The following DLG5 variants were observed in gnomAD, a reference collection of about 807,000 sequenced individuals.
DLG5 encodes the protein discs large MAGUK scaffold protein 5.
DLG5 carries 48 observed loss-of-function variants against 189.8 expected under a neutral mutation model. The ratio of observed to expected loss-of-function variants is 0.25; its 90% CI spans 0.20 to 0.32. The LOEUF is 0.32. DLG5 is among the 10% of genes least tolerant of loss of function. The pLI is 1.00. For synonymous variants in DLG5, 1,016 were observed against 1,054.1 expected (o/e 0.96, Z 0.70); for missense variants, 2,160 against 2,544.7 (o/e 0.85, Z 3.25).
chr10:77,820,781 A>G, intron 15 of DLG5: 1 of 414,706 alleles, frequency 2.4e-6, no homozygotes, highest in Non-Finnish European at 4.3e-6. Context: ...TAGCCCTTCA[A>G]GGCAAGTCTA....
intron 1 of DLG5, among the ~76,000 whole-genome samples, chr10:77,898,500 A>C (rs1221732536): frequency 6.6e-6 from 1 of 152,214 alleles, no homozygotes; most frequent in Non-Finnish European, 1.5e-5. Context: ...AGGGGCTGGG[A>C]GATGCTGCAT....
At chr10:77,817,392 T>TC (rs1842113188) in intron 18 of DLG5, among the ~76,000 whole-genome samples, 1 of 152,160 alleles carries the variant, frequency 6.6e-6, no homozygotes, top group Non-Finnish European at 1.5e-5. Flanking sequence ...GCGCCAGAGT[T>TC]CCCCAAGATC....
intron 5 of DLG5, among the ~76,000 whole-genome samples, chr10:77,844,846 G>A (rs1436327934): frequency 1.3e-5 from 2 of 152,236 alleles, no homozygotes; most frequent in African/African-American, 2.4e-5. Flanking sequence ...ATGAAGAAGA[G>A]CAGCGAGAGC....
chr10:77,885,617 C>T (rs1845413537), intron 1 of DLG5, among the ~76,000 whole-genome samples: 1 of 152,226 alleles, frequency 6.6e-6, no homozygotes, highest in Non-Finnish European at 1.5e-5. Context: ...GCTCTGCAGG[C>T]AGTCTCATCT....
At chr10:77,887,279 G>A (rs1845467965) in intron 1 of DLG5, among the ~76,000 whole-genome samples, 1 of 152,148 alleles carries the variant, frequency 6.6e-6, no homozygotes, top group African/African-American at 2.4e-5. Flanking sequence ...CCCTTTGCCT[G>A]TAACTGCTCC....
At chr10:77,889,289 G>C (rs1025805127) in intron 1 of DLG5, 15 of 149,496 alleles carry the variant, frequency 1.0e-4, no homozygotes, top group African/African-American at 3.8e-4. Context: ...CAAGTCACTA[G>C]GGAAAAAAAA....
intron 1 of DLG5, among the ~76,000 whole-genome samples, chr10:77,896,341 TAAG>T (rs1460810114): frequency 2.0e-5 from 3 of 152,278 alleles, no homozygotes; most frequent in South Asian, 4.2e-4. Flanking sequence ...TAGAGAGATT[TAAG>T]AAGAACTATA....
At chr10:77,901,005 C>A (rs1845908622) in intron 1 of DLG5, among the ~76,000 whole-genome samples, 1 of 151,400 alleles carries the variant, frequency 6.6e-6, no homozygotes, top group Non-Finnish European at 1.5e-5. Context: ...GTCCCAGCTA[C>A]TTGGGAGGCT....
chr10:77,816,954 G>A (rs1044037661), intron 19 of DLG5, 53 bp downstream of exon 19: 1 of 1,575,710 alleles, frequency 6.3e-7, no homozygotes, highest in Non-Finnish European at 8.7e-7. Flanking sequence ...TCCACCATGA[G>A]GAGTCAGACC....
chr10:77,806,835 C>G lies in DLG5; in HGVS notation c.4890G>C (p.Thr1630=), dbSNP rs758877568. The G allele has an allele frequency of 5.0e-6, 8 of 1,613,978 alleles. No homozygotes were observed. The highest frequency in any genetic ancestry group is 6.8e-6 in the Non-Finnish European group (8 of 1,180,008). The change falls in exon 26 of 32, where the codon ACG becomes ACC. Residue 1630 remains threonine, a synonymous_variant. Coordinates refer to ENST00000372391, the MANE Select transcript of DLG5 (RefSeq NM_004747.4). ...LYVDDTLPQG[T]FGSWMAWQLD... ...GCTGCCAAGCCATCCAGGACCCGAA[C>G]GTGCCCTGGGGTAAGGTGTCATCCA...
chr10:77,843,783 A>C (rs1043485776), intron 5 of DLG5, 77 bp from the exon 6 acceptor site: 5 of 1,586,752 alleles, frequency 3.2e-6, no homozygotes, highest in African/African-American at 1.3e-5. Flanking sequence ...ACTTTTGTCT[A>C]TCTGAGGGTG....
At position 77,926,192 on chromosome 10, in the gene DLG5, C is replaced by A; in HGVS notation, c.304+25G>T. 7.2e-7 allele frequency: 1 copy of A among 1,383,360 alleles called. No individual in the cohort carries two copies. Among genetic ancestry groups the A allele is most frequent in the South Asian group, 1.7e-5 (1 of 57,688 alleles). 85.7% of individuals were successfully genotyped at this position (1,383,360 alleles called of 1,614,324 possible). On this transcript the variant is annotated intron_variant, in intron 1 of 31. Transcript: ENST00000372391. This position sits in a 1 kb window ranked among gnomAD's most constrained non-coding sequence, Gnocchi z 5.2. The stretch of plus-strand genomic sequence containing the variant: ...AGAAGCGGAGGGCGCGTCCCAGAGG[C>A]GGGGGCCAAGGGTCTGCCACTCACC...
intron 4 of DLG5, 96 bp from the exon 5 acceptor site, chr10:77,853,633 G>A (rs529282675): frequency 1.9e-5 from 24 of 1,269,036 alleles, no homozygotes; most frequent in East Asian, 2.6e-5. Flanking sequence ...AACACTTCCC[G>A]TAGATACAGC....
At chr10:77,829,748 T>C (rs1056130918) in intron 11 of DLG5, among the ~76,000 whole-genome samples, 4 of 152,250 alleles carry the variant, frequency 2.6e-5, no homozygotes, top group Admixed American at 2.0e-4. Context: ...ACTAGTTGTA[T>C]GACCTAGCCC....
chr10:77,810,514 G>A (rs576025877), intron 23 of DLG5, among the ~76,000 whole-genome samples: 6 of 152,232 alleles, frequency 3.9e-5, no homozygotes, highest in Non-Finnish European at 5.9e-5. Context: ...CAGGCTGGAC[G>A]CTGTGCAGCT....
At chr10:77,928,596 G>A (rs1202912758), upstream of DLG5, 3 of 152,304 alleles carry the variant, frequency 2.0e-5, no homozygotes, top group African/African-American at 7.2e-5. Flanking sequence ...CTGCAAGGCA[G>A]TCACCTTTCA....
chr10:77,817,203 C>T, intron 18 of DLG5, 107 bp from the exon 19 acceptor site: 1 of 1,022,168 alleles, frequency 9.8e-7, no homozygotes, highest in Non-Finnish European at 1.5e-6. Context: ...AAGCTGGGCC[C>T]TGCTGTTTAT....
intron 26 of DLG5, 38 bp from the exon 27 acceptor site, chr10:77,805,899 GA>G: frequency 1.3e-6 from 2 of 1,572,034 alleles, no homozygotes; most frequent in Non-Finnish European, 1.7e-6. Context: ...GGGCCATCGA[GA>G]CCCTGCTGCC....
chr10:77,799,785 G>A (rs546659933), intron 27 of DLG5, among the ~76,000 whole-genome samples: 64 of 152,162 alleles, frequency 4.2e-4, no homozygotes, highest in African/African-American at 1.5e-3. Context: ...GTTTTTTAAA[G>A]TTTTTGTAGA....
Sources: allele counts gnomAD v4.1 joint callset (sites outside exome capture counted in the v4.1 genomes callset), GRCh38; gene constraint gnomAD v4.1.1; non-coding constraint Gnocchi (gnomAD v3.1); transcripts MANE v1.5; gene names NCBI Gene and HGNC (gene_info 2026-07-23, HGNC 2026-07-21).